Variants in PCDHA4 observed in about 807,000 individuals in gnomAD.
PCDHA4 encodes protocadherin alpha 4.
In PCDHA4, 49 loss-of-function variants were observed where a neutral mutation model predicts 61.4. That is an observed-to-expected ratio of 0.80 (90% CI 0.63 to 1.01). The LOEUF (loss-of-function observed/expected upper bound fraction) is 1.01. PCDHA4 is among the 50% of genes least tolerant of loss of function. The pLI is 0.00. For synonymous variants in PCDHA4, 590 were observed against 550.3 expected (o/e 1.07, Z -1.01); for missense variants, 1,254 against 1,235.8 (o/e 1.01, Z -0.22).
rs77462249 is a variant in PCDHA4 at position 141,008,293 on chromosome 5, C to G, written c.2534-1334C>G. ...ATAGGAAATTGAAATAGCAGTTGTA[C>G]CCAACCCTAAACTGTAATTGAACAT... On this transcript the variant is annotated intron_variant, in intron 3 of 3. Coordinates refer to ENST00000530339, the MANE Select transcript of PCDHA4 (RefSeq NM_018907.4). 3.5e-3 allele frequency among the ~76,000 whole-genome samples: 527 copies of G among 152,254 alleles called. 1 individual carries two copies. The highest frequency in any genetic ancestry group is 5.9e-3 in the Non-Finnish European group (399 of 68,006).
rs140124026 is a variant in PCDHA4, at chr5:140,973,683, C to T, written c.2386-5266C>T. On this transcript the variant is annotated intron_variant, in intron 1 of 3. Coordinates refer to ENST00000530339, the MANE Select transcript of PCDHA4 (RefSeq NM_018907.4). ...TTTATTGTAGCTTGAATGTCATTGG[C>T]CTACTGTTTCCTTCTGACCCAGGAG... is the stretch of plus-strand genomic sequence containing the variant. Among the ~76,000 whole-genome samples, 5 of 152,316 alleles carry T rather than the reference C, an allele frequency of 3.3e-5. No homozygotes were observed. The East Asian group carries it at 7.7e-4, about 24-fold the overall frequency.
At chr5:140,856,335 G>A in intron 1 of PCDHA4, 1 of 1,598,610 alleles carries the variant, frequency 6.3e-7, no homozygotes, top group Non-Finnish European at 8.6e-7. Context: ...GAGCTGTGCG[G>A]GCGGAGCGTG....
chr5:140,856,471 A>T, intron 1 of PCDHA4: 3 of 1,597,970 alleles, frequency 1.9e-6, no homozygotes, highest in Non-Finnish European at 2.6e-6. Context: ...AGCTCTCAAT[A>T]CCTGAATCCA....
chr5:140,843,697 T>G, intron 1 of PCDHA4: 1 of 1,583,576 alleles, frequency 6.3e-7, no homozygotes, highest in Non-Finnish European at 8.7e-7. Flanking sequence ...AAGATTTAAA[T>G]GTTGATCATG....
At chr5:140,842,621 T>C in intron 1 of PCDHA4, 1 of 1,576,496 alleles carries the variant, frequency 6.3e-7, no homozygotes, top group East Asian at 2.2e-5. Flanking sequence ...GGGCTCGCCT[T>C]CGCTGTGGGC....
At chr5:140,914,414 C>A (rs1554196336) in intron 1 of PCDHA4, among the ~76,000 whole-genome samples, 1 of 152,038 alleles carries the variant, frequency 6.6e-6, no homozygotes, top group African/African-American at 2.4e-5. Context: ...GTTTTGTTTC[C>A]ATTAGCAAGG....
intron 1 of PCDHA4, chr5:140,829,704 G>T: frequency 6.2e-7 from 1 of 1,613,434 alleles, no homozygotes; most frequent in Non-Finnish European, 8.5e-7. Flanking sequence ...GTGAGCGCGC[G>T]CGACGCGGGC....
In PCDHA4 at chr5:140,856,189, C is replaced by A. The variant is rs1399826536; in HGVS notation, c.2385+46617C>A. On this transcript the variant is annotated intron_variant, in intron 1 of 3. Transcript: ENST00000530339. ...GACACGGCACCTTCGTGGGCCGCAT[C>A]GCGCAGGACCTGGGGCTGGAGCTGG... 11 of 1,598,094 alleles carry A rather than the reference C, an allele frequency of 6.9e-6. 1 individual carries two copies. In the African/African-American group the frequency reaches 1.5e-4, roughly 22 times the overall value.
intron 1 of PCDHA4, chr5:140,968,366 G>A (rs145153557): frequency 7.4e-6 from 12 of 1,614,078 alleles, no homozygotes; most frequent in Non-Finnish European, 1.0e-5. Flanking sequence ...CCTTTATGCT[G>A]TCAACTCCTT....
rs376781836 is a variant in PCDHA4 at position 140,858,274 on chromosome 5, G to A, written c.2385+48702G>A. On this transcript the variant is annotated intron_variant, in intron 1 of 3. Coordinates refer to ENST00000530339, the MANE Select transcript of PCDHA4 (RefSeq NM_018907.4). ...AGCCCACGCTGGTGTGCTCTAGCGCGGTGGGGAGCTGGTCTTACTCGCAGC... is the reference window on the plus strand; with the variant it reads ...AGCCCACGCTGGTGTGCTCTAGCGCAGTGGGGAGCTGGTCTTACTCGCAGC... The A allele has an allele frequency of 1.3e-5, 21 of 1,597,416 alleles. 1 individual carries two copies. The African/African-American group carries it at 2.6e-4, about 19-fold the overall frequency.
In PCDHA4 at chr5:140,968,153, A is replaced by G; in HGVS notation, c.2386-10796A>G. 2 of 1,614,142 alleles carry G rather than the reference A, an allele frequency of 1.2e-6. No individual in the cohort carries two copies. The highest frequency in any genetic ancestry group is 8.5e-7 in the Non-Finnish European group (1 of 1,180,046). On this transcript the variant is annotated intron_variant, in intron 1 of 3. Coordinates refer to ENST00000530339, the MANE Select transcript of PCDHA4 (RefSeq NM_018907.4). ...ACTGAAGGTTGAGATCTCTGACATC[A>G]ATGACAATCCACCAAGCTTCCTGGA...
intron 1 of PCDHA4, chr5:140,871,714 T>G (rs938500670): frequency 2.5e-6 from 2 of 805,644 alleles, no homozygotes; most frequent in African/African-American, 3.5e-5. Context: ...AATGTCCTAT[T>G]TCTCTTAATA....
At chr5:140,947,171 A>G (rs2094098405) in intron 1 of PCDHA4, among the ~76,000 whole-genome samples, 2 of 151,546 alleles carry the variant, frequency 1.3e-5, no homozygotes, top group Non-Finnish European at 3.0e-5. Context: ...AAAATGTGGT[A>G]TATATTCATG....
At chr5:140,885,424 A>G (rs1311599501) in intron 1 of PCDHA4, among the ~76,000 whole-genome samples, 4 of 152,148 alleles carry the variant, frequency 2.6e-5, no homozygotes, top group African/African-American at 7.2e-5. Context: ...AGTATTCCAC[A>G]GTGTAAGTGT....
rs782489417 is a variant in PCDHA4, at chr5:140,927,802, A to C, written c.2386-51147A>C. 6.2e-6 allele frequency: 10 copies of C among 1,614,148 alleles called. No homozygotes were observed. The East Asian group carries it at 2.0e-4, about 32-fold the overall frequency. On this transcript the variant is annotated intron_variant, in intron 1 of 3. Transcript: ENST00000530339. ...AGCTGCTTCACTAGGTCCGCCTGAA[A>C]CGCTCTTGGAGGCATACATTGAGGC...
intron 1 of PCDHA4, chr5:140,875,768 G>A (rs997656321): frequency 6.2e-7 from 1 of 1,614,262 alleles, no homozygotes; most frequent in Non-Finnish European, 8.5e-7. Context: ...TGCGGGCGGA[G>A]CGCGGAGTGC....
At position 140,807,447 on chromosome 5, in the gene PCDHA4, A is replaced by G; in HGVS notation, c.260A>G (p.Asn87Ser). The change falls in exon 1 of 4, where the codon AAT becomes AGT. Residue 87 changes from asparagine (N) to serine (S), a missense_variant. Transcript: ENST00000530339. ...CTGCAGAATGGCATTTTGTTTGTGA[A>G]TTCTCGGATCGACCGGGAGGAGCTG... Reference protein sequence around the residue: ...VNLQNGILFVNSRIDREELCR... With the variant: ...VNLQNGILFVSSRIDREELCR... 6.2e-7 allele frequency: 1 copy of G among 1,605,784 alleles called. No individual in the cohort carries two copies. The highest frequency in any genetic ancestry group is 8.5e-7 in the Non-Finnish European group (1 of 1,177,336).
At position 140,927,971 on chromosome 5, in the gene PCDHA4, C is replaced by T. The variant is rs868922082; in HGVS notation, c.2386-50978C>T. On this transcript the variant is annotated intron_variant, in intron 1 of 3. Transcript: ENST00000530339. ...GACGCTGCCCCTGGCACAGTGATTGCTCTCTTTAGTGTAAAGGATGAAGAC... is the reference window on the plus strand; with the variant it reads ...GACGCTGCCCCTGGCACAGTGATTGTTCTCTTTAGTGTAAAGGATGAAGAC... 5.0e-6 allele frequency: 8 copies of T among 1,614,224 alleles called. No homozygotes were observed. In the African/African-American group the frequency reaches 9.3e-5, roughly 19 times the overall value.
intron 1 of PCDHA4, among the ~76,000 whole-genome samples, chr5:140,922,731 T>A (rs59295733): frequency 0.057 from 8,631 of 152,032 alleles, 722 homozygotes; most frequent in African/African-American, 0.19. Flanking sequence ...CTTGACAAGG[T>A]TGAGAAAAAT....
Sources: gnomAD v4.1 joint callset for allele counts (sites outside exome capture counted in the v4.1 genomes callset) on GRCh38, gnomAD v4.1.1 for gene constraint, MANE v1.5 for transcripts, NCBI Gene and HGNC (gene_info 2026-07-23, HGNC 2026-07-21) for gene names.